USP14: variants seen among roughly 807,000 people sequenced by gnomAD.
USP14 encodes ubiquitin specific peptidase 14.
In USP14, 38 loss-of-function variants were observed where a neutral mutation model predicts 76.5. The observed-to-expected ratio is 0.50, with a 90% CI of 0.38 to 0.65. The LOEUF is 0.65. USP14 is among the 30% of genes least tolerant of loss of function. The pLI, the probability that USP14 is intolerant of heterozygous loss-of-function variation, is 0.00. For missense variants in USP14, 467 were observed against 586.5 expected, an observed-to-expected ratio of 0.80 and a Z score of 2.10; for synonymous variants, 192 against 191.7, an observed-to-expected ratio of 1.00 and a Z score of -0.01.
In USP14 at chr18:190,925, A is replaced by AT. The variant is rs200989362; in HGVS notation, c.405-1908dup. ...TACATTTTATTGCTCTAATATGGGAATTTTTTTTTGGATATTAAATTACAT... is the reference window on the plus strand; with the variant it reads ...TACATTTTATTGCTCTAATATGGGAATTTTTTTTTTGGATATTAAATTACAT... On this transcript the variant is annotated intron_variant, in intron 5 of 15. Coordinates refer to ENST00000261601, the MANE Select transcript of USP14 (RefSeq NM_005151.4). Among the ~76,000 whole-genome samples, 711 of 151,536 alleles carry AT rather than the reference A, an allele frequency of 4.7e-3. 6 individuals carry two copies. Among genetic ancestry groups the AT allele is most frequent in the Non-Finnish European group, 7.8e-3 (527 of 67,754 alleles).
At chr18:198,198 T>C (rs1374449637) in intron 9 of USP14, 66 bp downstream of exon 9, 1 of 1,353,074 alleles carries the variant, frequency 7.4e-7, no homozygotes, top group Non-Finnish European at 1.0e-6. Context: ...AATAGCATCA[T>C]TGGCTGATTG....
chr18:173,980 A>G (rs930916617), intron 3 of USP14, among the ~76,000 whole-genome samples: 2 of 152,156 alleles, frequency 1.3e-5, no homozygotes, highest in African/African-American at 2.4e-5. Flanking sequence ...CCTTGAAATC[A>G]GGTCGTCTAA....
In USP14 at chr18:158,935, G is replaced by A. The variant is rs957385383; in HGVS notation, c.16+221G>A. The A allele has an allele frequency of 4.9e-5, 28 of 567,392 alleles. No homozygotes were observed. In the East Asian group the frequency reaches 8.5e-4, roughly 17 times the overall value. 35.1% of individuals were successfully genotyped at this position (567,392 alleles called of 1,614,324 possible). ...CCGTCCCCCTGAGCCACCGATGGGTGGGGGGAGTGGAGATGGGGAAGCCTC... is the reference window on the plus strand; with the variant it reads ...CCGTCCCCCTGAGCCACCGATGGGTAGGGGGAGTGGAGATGGGGAAGCCTC... On this transcript the variant is annotated intron_variant, in intron 1 of 15. Coordinates refer to ENST00000261601, the MANE Select transcript of USP14 (RefSeq NM_005151.4).
At chr18:200,503 C>T (rs1910356302) in intron 10 of USP14, among the ~76,000 whole-genome samples, 1 of 152,194 alleles carries the variant, frequency 6.6e-6, no homozygotes, top group African/African-American at 2.4e-5. Flanking sequence ...TGGCTTTTGG[C>T]AGAGCCAGAA....
chr18:192,533 C>G (rs1401972899), intron 5 of USP14, among the ~76,000 whole-genome samples: 1 of 152,068 alleles, frequency 6.6e-6, no homozygotes, highest in Non-Finnish European at 1.5e-5. Context: ...CCATTGCACT[C>G]CAACCTGGGC....
intron 10 of USP14, among the ~76,000 whole-genome samples, chr18:200,596 G>C (rs754619839): frequency 1.4e-4 from 21 of 152,156 alleles, no homozygotes; most frequent in Non-Finnish European, 2.5e-4. Context: ...TAAAATGTCA[G>C]CTTCCACTCT....
At chr18:175,380 G>C (rs1909599183) in intron 3 of USP14, among the ~76,000 whole-genome samples, 1 of 152,162 alleles carries the variant, frequency 6.6e-6, no homozygotes, top group South Asian at 2.1e-4. Flanking sequence ...GTCATGGCTG[G>C]TGGTAGTTTA....
intron 1 of USP14, among the ~76,000 whole-genome samples, chr18:160,481 C>T (rs1909086170): frequency 6.6e-6 from 1 of 152,104 alleles, no homozygotes; most frequent in South Asian, 2.1e-4. Context: ...TGTGATCACG[C>T]CACTGCACTC....
At chr18:163,723 C>T (rs1477434194) in intron 2 of USP14, among the ~76,000 whole-genome samples, 1 of 151,808 alleles carries the variant, frequency 6.6e-6, no homozygotes, top group East Asian at 1.9e-4. Flanking sequence ...TTCTGAGATA[C>T]ATATGCAGGT....
chr18:171,025 A>AAAAAAAAAAATATATATAT (rs1327304974), intron 3 of USP14, among the ~76,000 whole-genome samples: 3 of 47,684 alleles, frequency 6.3e-5, no homozygotes, highest in African/African-American at 2.6e-4. Flanking sequence ...AAAAAAAAAA[A>AAAAAAAAAAATATATATAT]ATATATATAT....
intron 4 of USP14, 48 bp downstream of exon 4, chr18:179,085 C>T: frequency 7.3e-7 from 1 of 1,369,936 alleles, no homozygotes; most frequent in Non-Finnish European, 1.0e-6. Flanking sequence ...TTTTGAAGGA[C>T]CATTATTAAG....
intron 5 of USP14, among the ~76,000 whole-genome samples, chr18:187,317 G>C (rs1909957284): frequency 6.6e-6 from 1 of 152,074 alleles, no homozygotes; most frequent in South Asian, 2.1e-4. Context: ...ATATGTGTTT[G>C]TATTATGCCA....
chr18:190,693 A>C (rs917921634), intron 5 of USP14, among the ~76,000 whole-genome samples: 2 of 152,272 alleles, frequency 1.3e-5, no homozygotes, highest in East Asian at 3.9e-4. Flanking sequence ...TATAATAGAC[A>C]TTAGGTTAAT....
Position 163,379 on chromosome 18 carries a change from A to G in USP14, c.88A>G (p.Lys30Glu). 1 of 1,614,144 alleles carries G rather than the reference A, an allele frequency of 6.2e-7. No individual in the cohort carries two copies. The highest frequency in any genetic ancestry group is 8.5e-7 in the Non-Finnish European group (1 of 1,179,998). ...LNTDEPPMVF[K>E]AQLFALTGVQ... Reference sequence around the variant, plus strand: ...TACAGATGAACCTCCAATGGTATTCAAGGCTCAGCTGTTTGCGTTGACTGG... The same window carrying G: ...TACAGATGAACCTCCAATGGTATTCGAGGCTCAGCTGTTTGCGTTGACTGG... The change falls in exon 2 of 16, where the codon AAG becomes GAG. Residue 30 changes from lysine (K) to glutamate (E), a missense_variant. Physicochemically the swap from Lys to Glu is moderately conservative, Grantham distance 56. Transcript: ENST00000261601.
chr18:180,413 T>C, intron 5 of USP14, 74 bp downstream of exon 5: 2 of 877,094 alleles, frequency 2.3e-6, no homozygotes, highest in South Asian at 3.1e-5. Context: ...TTGCTTTCTT[T>C]AGCATCTTAA....
At chr18:191,397 G>A (rs998602141) in intron 5 of USP14, among the ~76,000 whole-genome samples, 2 of 152,126 alleles carry the variant, frequency 1.3e-5, no homozygotes, top group African/African-American at 4.8e-5. Context: ...CTTAACATAA[G>A]CATAGAGGTT....
intron 6 of USP14, among the ~76,000 whole-genome samples, chr18:195,253 T>TA (rs1259225530): frequency 2.6e-5 from 4 of 152,120 alleles, no homozygotes; most frequent in African/African-American, 4.8e-5. Context: ...GGCTTTTATT[T>TA]AAAAAAATAA....
At chr18:178,747 C>A (rs117533958) in intron 3 of USP14, among the ~76,000 whole-genome samples, 186 bp from the exon 4 acceptor site, 2,454 of 152,188 alleles carry the variant, frequency 0.016, 44 homozygotes, top group Non-Finnish European at 0.023. Flanking sequence ...AAACTTGTAC[C>A]ATTTAAGGTC....
chr18:170,395 A>T (rs1484251501), intron 3 of USP14, among the ~76,000 whole-genome samples: 1 of 152,236 alleles, frequency 6.6e-6, no homozygotes, highest in Non-Finnish European at 1.5e-5. Context: ...TTTACTTTCA[A>T]CAGAAAGCTA....
Sources: allele counts gnomAD v4.1 joint callset (sites outside exome capture counted in the v4.1 genomes callset), GRCh38; gene constraint gnomAD v4.1.1; transcripts MANE v1.5; gene names NCBI Gene and HGNC (gene_info 2026-07-23, HGNC 2026-07-21).